The following GPC5 variants were observed in gnomAD, a reference collection of about 807,000 sequenced individuals.
GPC5 encodes the protein glypican-5.
A neutral mutation model predicts 53.9 loss-of-function variants in GPC5; 47 were observed. The observed-to-expected ratio is 0.87, with a 90% confidence interval of 0.69 to 1.11. GPC5 has a LOEUF of 1.11. Among genes scored for constraint, GPC5 ranks in the 50% most tolerant of loss-of-function variants. The probability of loss-of-function intolerance (pLI) is 0.00; values close to 1 mark genes in which losing one functional copy is unlikely to be tolerated. For synonymous variants in GPC5, 286 were observed against 263.3 expected, an observed-to-expected ratio of 1.09 and a Z score of -0.84; for missense variants, 748 against 713.1, an observed-to-expected ratio of 1.05 and a Z score of -0.56.
intron 7 of GPC5, among the ~76,000 whole-genome samples, chr13:92,358,301 G>A (rs1400829444): frequency 6.6e-6 from 1 of 151,174 alleles, no homozygotes; most frequent in Non-Finnish European, 1.5e-5. Flanking sequence ...CCAAGTTTTT[G>A]GGCAACTCCA....
At chr13:92,270,703 T>C (rs1328489389) in intron 7 of GPC5, among the ~76,000 whole-genome samples, 1 of 152,128 alleles carries the variant, frequency 6.6e-6, no homozygotes, top group Non-Finnish European at 1.5e-5. Context: ...AATATGAAAA[T>C]ATCTTTGTTT....
chr13:91,783,708 C>A (rs1307027223), intron 5 of GPC5, among the ~76,000 whole-genome samples: 2 of 152,216 alleles, frequency 1.3e-5, no homozygotes, highest in Admixed American at 6.5e-5. Context: ...TCCCAAAGTG[C>A]TGGGATTATA....
chr13:92,519,053 G>A (rs1880917042), intron 7 of GPC5, among the ~76,000 whole-genome samples: 1 of 152,144 alleles, frequency 6.6e-6, no homozygotes, highest in Admixed American at 6.5e-5. Context: ...TAATGGTAAA[G>A]GAATCAATTC....
At chr13:92,728,170 C>G (rs1465535210) in intron 7 of GPC5, among the ~76,000 whole-genome samples, 1 of 151,420 alleles carries the variant, frequency 6.6e-6, no homozygotes, top group East Asian at 1.9e-4. Context: ...TTGCCATAGG[C>G]ATTTATAAAC....
At chr13:91,775,369 C>T in intron 5 of GPC5, among the ~76,000 whole-genome samples, 1 of 152,054 alleles carries the variant, frequency 6.6e-6, no homozygotes, top group Non-Finnish European at 1.5e-5. Flanking sequence ...CTCATTTTTC[C>T]CCCCTCTGGG....
At chr13:92,217,462 A>C (rs1392327795) in intron 7 of GPC5, among the ~76,000 whole-genome samples, 1 of 152,080 alleles carries the variant, frequency 6.6e-6, no homozygotes, top group Admixed American at 6.6e-5. Flanking sequence ...CTTCAGTAGG[A>C]GTTCTGTCAG....
intron 7 of GPC5, among the ~76,000 whole-genome samples, chr13:92,638,403 A>T (rs1018491473): frequency 1.3e-5 from 2 of 152,136 alleles, no homozygotes; most frequent in African/African-American, 4.8e-5. Flanking sequence ...ATCACAGGTG[A>T]TGGAGTGAAT....
intron 7 of GPC5, among the ~76,000 whole-genome samples, chr13:92,327,268 G>T (rs997789122): frequency 5.3e-5 from 8 of 152,078 alleles, no homozygotes; most frequent in Non-Finnish European, 2.9e-5. Context: ...CAAACTTGCC[G>T]CTATACTCTC....
At position 92,379,970 on chromosome 13, in the gene GPC5, T is replaced by C. The variant is rs1337550136; in HGVS notation, c.1561+234981T>C. The stretch of plus-strand genomic sequence containing the variant: ...GCTCAATCCTGGTTATTGTCAACAG[T>C]GTTCACTTTACCCATCCAATGGTCA... On this transcript the variant is annotated intron_variant, in intron 7 of 7. Coordinates refer to ENST00000377067, the MANE Select transcript of GPC5 (RefSeq NM_004466.6). Among the ~76,000 whole-genome samples, 4 of 152,328 alleles carry C rather than the reference T, an allele frequency of 2.6e-5. No homozygotes were observed. In the East Asian group the frequency reaches 7.7e-4, roughly 29 times the overall value.
chr13:91,969,373 G>T (rs564264146), intron 6 of GPC5, among the ~76,000 whole-genome samples: 6 of 152,134 alleles, frequency 3.9e-5, no homozygotes, highest in African/African-American at 1.4e-4. Flanking sequence ...ACACAAAAAA[G>T]TTAACTCAAA....
intron 7 of GPC5, among the ~76,000 whole-genome samples, chr13:92,245,848 A>G (rs2042646406): frequency 6.6e-6 from 1 of 152,140 alleles, no homozygotes; most frequent in African/African-American, 2.4e-5. Flanking sequence ...AATTTATTTT[A>G]ACATCTTTTT....
At chr13:92,635,395 C>T (rs1440451794) in intron 7 of GPC5, among the ~76,000 whole-genome samples, 1 of 152,088 alleles carries the variant, frequency 6.6e-6, no homozygotes, top group East Asian at 1.9e-4. Context: ...AGCATGGCAC[C>T]AGCATGTAGA....
At chr13:92,125,924 GTTTTTTTTT>G (rs1190169532) in intron 6 of GPC5, among the ~76,000 whole-genome samples, 1 of 75,820 alleles carries the variant, frequency 1.3e-5, no homozygotes, top group African/African-American at 5.3e-5. Context: ...TTGTTTTTTG[GTTTTTTTTT>G]TTTTTTTTTT....
At position 92,217,132 on chromosome 13, in the gene GPC5, T is replaced by A. The variant is rs142020170; in HGVS notation, c.1561+72143T>A. Among the ~76,000 whole-genome samples the A allele has an allele frequency of 2.4e-3, 361 of 152,334 alleles. 2 individuals carry two copies. Among genetic ancestry groups the A allele is most frequent in the African/African-American group, 8.2e-3 (342 of 41,584 alleles). On this transcript the variant is annotated intron_variant, in intron 7 of 7. Transcript: ENST00000377067. The stretch of plus-strand genomic sequence containing the variant: ...TAGTGATGGCTTGTGCCTCAGGGTA[T>A]GCTCATTTGTTTTTCAGGCATGAAC...
intron 2 of GPC5, among the ~76,000 whole-genome samples, chr13:91,484,413 C>T (rs1288703230): frequency 6.6e-6 from 1 of 152,126 alleles, no homozygotes; most frequent in Non-Finnish European, 1.5e-5. Flanking sequence ...TGAGCATATA[C>T]TCTGAGCCAA....
intron 7 of GPC5, among the ~76,000 whole-genome samples, chr13:92,357,916 C>T (rs1181696839): frequency 1.3e-5 from 2 of 151,404 alleles, no homozygotes; most frequent in Non-Finnish European, 2.9e-5. Context: ...CTGCACCTGG[C>T]CCCTACCAAA....
At chr13:92,777,267 T>C (rs940827388) in intron 7 of GPC5, among the ~76,000 whole-genome samples, 26 of 138,018 alleles carry the variant, frequency 1.9e-4, no homozygotes, top group African/African-American at 6.9e-4. Context: ...ACCCAGGAGG[T>C]AGAGGTTGCA....
At chr13:91,713,670 C>A (rs2062359679) in intron 3 of GPC5, among the ~76,000 whole-genome samples, 1 of 152,136 alleles carries the variant, frequency 6.6e-6, no homozygotes, top group African/African-American at 2.4e-5. Flanking sequence ...CAGAATGTCA[C>A]AAAGACTCTT....
Position 92,189,357 on chromosome 13 carries a change from G to A in GPC5, c.1561+44368G>A, listed in dbSNP as rs575089500. Among the ~76,000 whole-genome samples, 28 of 152,164 alleles carry A rather than the reference G, an allele frequency of 1.8e-4. 1 individual carries two copies. In the South Asian group the frequency reaches 5.6e-3, roughly 31 times the overall value. The stretch of plus-strand genomic sequence containing the variant: ...TAGCCAACTCTAGTCTCCCAAGTGG[G>A]GCAAGGGAACTATGCAACTCCAGCC... On this transcript the variant is annotated intron_variant, in intron 7 of 7. Coordinates refer to ENST00000377067, the MANE Select transcript of GPC5 (RefSeq NM_004466.6).
Sources: gnomAD v4.1 joint callset for allele counts (sites outside exome capture counted in the v4.1 genomes callset) on GRCh38, gnomAD v4.1.1 for gene constraint, MANE v1.5 for transcripts, NCBI Gene and HGNC (gene_info 2026-07-23, HGNC 2026-07-21) for gene names.